Variants in BMP5 observed in about 807,000 individuals in gnomAD.
BMP5 encodes bone morphogenetic protein 5.
Under a neutral mutation model 46.6 loss-of-function variants are expected in BMP5, and 23 were observed. That is an observed-to-expected ratio of 0.49 (90% CI 0.35 to 0.70). The LOEUF (loss-of-function observed/expected upper bound fraction) is 0.70, where lower values mean the gene tolerates loss of function less well. Ranked by LOEUF, BMP5 falls within the 30% of genes least tolerant of loss-of-function variation. BMP5 has a pLI of 0.00. For missense variants in BMP5, 545 were observed against 565.6 expected, an observed-to-expected ratio of 0.96 and a Z score of 0.37; for synonymous variants, 204 against 191.9, an observed-to-expected ratio of 1.06 and a Z score of -0.52.
chr6:55,796,374 GA>G (rs201686101), intron 2 of BMP5, among the ~76,000 whole-genome samples: 3 of 150,080 alleles, frequency 2.0e-5, no homozygotes, highest in East Asian at 3.9e-4. Context: ...ATCTCTTCAG[GA>G]AAAAAAAATT....
chr6:55,863,083 A>G (rs1305824876), intron 1 of BMP5, among the ~76,000 whole-genome samples: 2 of 152,158 alleles, frequency 1.3e-5, no homozygotes, highest in Non-Finnish European at 2.9e-5. Context: ...AGTCTTTCGC[A>G]CAGTGTCTGG....
At chr6:55,819,406 G>A (rs190685677) in intron 2 of BMP5, among the ~76,000 whole-genome samples, 4 of 152,256 alleles carry the variant, frequency 2.6e-5, no homozygotes, top group Admixed American at 2.6e-4. Flanking sequence ...GACCTAGAAA[G>A]CACATTTTTA....
At chr6:55,763,356 T>G (rs1453972068) in intron 4 of BMP5, among the ~76,000 whole-genome samples, 2 of 152,274 alleles carry the variant, frequency 1.3e-5, no homozygotes, top group East Asian at 3.9e-4. Flanking sequence ...TAATGTAACA[T>G]CACATAAATG....
At chr6:55,859,411 A>G (rs1777478682) in intron 1 of BMP5, among the ~76,000 whole-genome samples, 1 of 152,232 alleles carries the variant, frequency 6.6e-6, no homozygotes, top group Admixed American at 6.5e-5. Flanking sequence ...AAAAAATTGC[A>G]TGCCCAATAA....
intron 1 of BMP5, among the ~76,000 whole-genome samples, chr6:55,863,185 A>C (rs1777563772): frequency 6.6e-6 from 1 of 152,190 alleles, no homozygotes; most frequent in East Asian, 1.9e-4. Flanking sequence ...TTGTGGGATC[A>C]TATCTACTTC....
chr6:55,763,733 C>T (rs1774840347), intron 4 of BMP5, among the ~76,000 whole-genome samples: 1 of 152,086 alleles, frequency 6.6e-6, no homozygotes, highest in Non-Finnish European at 1.5e-5. Context: ...CATGTCTTAT[C>T]CATAGTGCAA....
At position 55,753,848 on chromosome 6, in the gene BMP5, T is replaced by C. The variant is rs1774514207; in HGVS notation, c.*1685A>G. 6.6e-6 allele frequency: 1 copy of C among 151,916 alleles called. No homozygotes were observed. 9.4% of individuals were successfully genotyped at this position (151,916 alleles called of 1,614,324 possible). ...AGAACCAAATCAAGAACAGCAGAAA[T>C]TAGCATCTGTTTAATATATTTTAAA... On this transcript the variant is annotated 3_prime_UTR_variant, in exon 7 of 7. Coordinates refer to ENST00000370830, the MANE Select transcript of BMP5 (RefSeq NM_021073.4).
intron 1 of BMP5, among the ~76,000 whole-genome samples, chr6:55,872,005 GATA>G (rs1280524281): frequency 2.6e-5 from 4 of 151,672 alleles, no homozygotes; most frequent in Admixed American, 6.6e-5. Flanking sequence ...TTTGCTAACG[GATA>G]TTACATTTAA....
chr6:55,808,157 TCTGTCC>T (rs1324736237), intron 2 of BMP5, among the ~76,000 whole-genome samples: 1 of 152,150 alleles, frequency 6.6e-6, no homozygotes, highest in Non-Finnish European at 1.5e-5. Context: ...AGATCAGAGT[TCTGTCC>T]CTGAGCACCT....
chr6:55,759,901 A>G (rs1014661799), intron 5 of BMP5, among the ~76,000 whole-genome samples: 3 of 152,032 alleles, frequency 2.0e-5, no homozygotes, highest in African/African-American at 7.2e-5. Context: ...ATGAGAATCC[A>G]TTCTAATAGA....
intron 1 of BMP5, among the ~76,000 whole-genome samples, chr6:55,842,135 T>C (rs1158509288): frequency 2.6e-5 from 4 of 152,206 alleles, no homozygotes; most frequent in Admixed American, 6.5e-5. Context: ...TCTGGTCTGT[T>C]GAGGTTTGTT....
intron 2 of BMP5, among the ~76,000 whole-genome samples, chr6:55,804,457 C>T (rs1201632037): frequency 1.3e-5 from 2 of 152,122 alleles, no homozygotes; most frequent in Non-Finnish European, 1.5e-5. Flanking sequence ...ACCTAGCCTT[C>T]AGAACTGTAA....
intron 6 of BMP5, among the ~76,000 whole-genome samples, chr6:55,756,634 T>G (rs1399898319): frequency 6.6e-6 from 1 of 151,938 alleles, no homozygotes; most frequent in Non-Finnish European, 1.5e-5. Context: ...CTTACAGTTT[T>G]GGCTGTACAA....
chr6:55,800,868 TTC>T, intron 2 of BMP5, among the ~76,000 whole-genome samples: 1 of 152,262 alleles, frequency 6.6e-6, no homozygotes, highest in South Asian at 2.1e-4. Context: ...TCAGAACACT[TTC>T]TCTTATAAAA....
chr6:55,778,538 A>G (rs1038568372), intron 3 of BMP5, among the ~76,000 whole-genome samples: 6 of 152,188 alleles, frequency 3.9e-5, no homozygotes, highest in Admixed American at 2.6e-4. Context: ...TTTTGTATTT[A>G]CAAAAACAAA....
chr6:55,852,898 G>C (rs1258045873), intron 1 of BMP5, among the ~76,000 whole-genome samples: 2 of 152,004 alleles, frequency 1.3e-5, no homozygotes, highest in Non-Finnish European at 2.9e-5. Flanking sequence ...TTGGGAGGCC[G>C]AGGTGGGTGG....
chr6:55,809,918 C>T (rs1306138351), intron 2 of BMP5, among the ~76,000 whole-genome samples: 1 of 152,134 alleles, frequency 6.6e-6, no homozygotes, highest in Non-Finnish European at 1.5e-5. Flanking sequence ...AACTATTTCA[C>T]TTTCTTCCAT....
At chr6:55,833,416 A>G (rs1415284234) in intron 1 of BMP5, among the ~76,000 whole-genome samples, 1 of 152,212 alleles carries the variant, frequency 6.6e-6, no homozygotes, top group African/African-American at 2.4e-5. Context: ...GTTTTAACAC[A>G]TAGTGAAAAC....
chr6:55,764,464 T>A (rs2127517297), intron 4 of BMP5, among the ~76,000 whole-genome samples: 1 of 151,516 alleles, frequency 6.6e-6, no homozygotes, highest in Non-Finnish European at 1.5e-5. Flanking sequence ...TCCCAGCTAC[T>A]CAGGAGGCTG....
Sources: gnomAD v4.1 joint callset for allele counts (sites outside exome capture counted in the v4.1 genomes callset) on GRCh38, gnomAD v4.1.1 for gene constraint, MANE v1.5 for transcripts, NCBI Gene and HGNC (gene_info 2026-07-23, HGNC 2026-07-21) for gene names.